CPNE4: variants seen among roughly 807,000 people sequenced by gnomAD.
The protein encoded by CPNE4 is copine-4.
A neutral mutation model predicts 67.9 loss-of-function variants in CPNE4; 25 were observed. That is an observed-to-expected ratio of 0.37 (90% CI 0.27 to 0.51). The LOEUF is 0.51. Among genes scored for constraint, CPNE4 ranks in the 20% least tolerant of loss-of-function variants. The pLI is 0.93. For synonymous variants in CPNE4, 242 were observed against 244.9 expected (o/e 0.99, Z 0.11); for missense variants, 464 against 690.8 (o/e 0.67, Z 3.68).
At chr3:131,590,530 G>A (rs1445197438) in intron 7 of CPNE4, among the ~76,000 whole-genome samples, 1 of 152,120 alleles carries the variant, frequency 6.6e-6, no homozygotes, top group Non-Finnish European at 1.5e-5. Flanking sequence ...AGTACTTAAA[G>A]TACTATCGTA....
At chr3:131,573,536 G>A (rs2107679838) in intron 10 of CPNE4, among the ~76,000 whole-genome samples, 1 of 152,172 alleles carries the variant, frequency 6.6e-6, no homozygotes, top group African/African-American at 2.4e-5. Flanking sequence ...AGCCCCTGAA[G>A]GTTGAATACA....
intron 3 of CPNE4, among the ~76,000 whole-genome samples, chr3:131,713,430 G>C (rs769321602): frequency 1.3e-5 from 2 of 152,094 alleles, no homozygotes; most frequent in Admixed American, 1.3e-4. Context: ...GATGAGAAAG[G>C]GTAGTGGAAG....
chr3:131,592,119 G>T (rs1281827319), intron 7 of CPNE4, among the ~76,000 whole-genome samples: 1 of 152,172 alleles, frequency 6.6e-6, no homozygotes, highest in African/African-American at 2.4e-5. Flanking sequence ...GTACAGAGTG[G>T]ACTAAAATCT....
chr3:131,818,744 C>T (rs2084843916), intron 2 of CPNE4, among the ~76,000 whole-genome samples: 1 of 152,158 alleles, frequency 6.6e-6, no homozygotes, highest in Admixed American at 6.5e-5. Flanking sequence ...AATAACATCC[C>T]CATTTTAGGA....
Position 131,684,069 on chromosome 3 carries a change from T to G in CPNE4, c.591+1806A>C, listed in dbSNP as rs547763823. 5.3e-5 allele frequency among the ~76,000 whole-genome samples: 8 copies of G among 152,300 alleles called. 1 individual carries two copies. In the South Asian group the frequency reaches 1.7e-3, roughly 32 times the overall value. On this transcript the variant is annotated intron_variant, in intron 6 of 15. Coordinates refer to ENST00000429747, the MANE Select transcript of CPNE4 (RefSeq NM_130808.3). Reference sequence around the variant, plus strand: ...ATCAACAATTCAAGACTGTCTTTCCTACCCTCTTCAGTGTCTCTCTCAGTG... The same window carrying G: ...ATCAACAATTCAAGACTGTCTTTCCGACCCTCTTCAGTGTCTCTCTCAGTG...
intron 3 of CPNE4, among the ~76,000 whole-genome samples, chr3:131,703,355 G>A (rs574493685): frequency 2.6e-5 from 4 of 152,308 alleles, no homozygotes. Context: ...GGTCACAGGT[G>A]CAAACCTTAG....
chr3:131,923,434 G>A (rs1266013313), intron 1 of CPNE4, among the ~76,000 whole-genome samples: 1 of 152,186 alleles, frequency 6.6e-6, no homozygotes, highest in African/African-American at 2.4e-5. Flanking sequence ...GCTGGGCGCA[G>A]TGGCTCACGC....
intron 3 of CPNE4, among the ~76,000 whole-genome samples, chr3:131,722,141 G>A (rs948159172): frequency 2.6e-5 from 4 of 152,262 alleles, no homozygotes; most frequent in African/African-American, 7.2e-5. Flanking sequence ...GTGGCATGAA[G>A]CAAGGTAAGC....
chr3:131,885,535 ATTTT>A (rs1030361533), intron 2 of CPNE4, among the ~76,000 whole-genome samples: 30 of 151,216 alleles, frequency 2.0e-4, no homozygotes, highest in African/African-American at 5.4e-4. Context: ...ATTTTTTTTA[ATTTT>A]TTTATTTTTT....
chr3:131,964,175 A>G (rs1266250654), intron 1 of CPNE4, among the ~76,000 whole-genome samples: 1 of 152,154 alleles, frequency 6.6e-6, no homozygotes, highest in Non-Finnish European at 1.5e-5. Context: ...AATAATATCA[A>G]CATCAACAAA....
chr3:131,657,917 A>G (rs2080020759), intron 7 of CPNE4, among the ~76,000 whole-genome samples: 1 of 152,102 alleles, frequency 6.6e-6, no homozygotes, highest in Non-Finnish European at 1.5e-5. Context: ...CAGATGTTCC[A>G]GACTCTTGAG....
intron 2 of CPNE4, among the ~76,000 whole-genome samples, chr3:131,829,452 A>G (rs747752257): frequency 4.6e-5 from 7 of 152,174 alleles, no homozygotes; most frequent in Non-Finnish European, 7.3e-5. Context: ...ATCATCATTC[A>G]CCTTGAGGTA....
chr3:131,601,549 T>C (rs576982501), intron 7 of CPNE4, among the ~76,000 whole-genome samples: 2 of 152,262 alleles, frequency 1.3e-5, no homozygotes, highest in South Asian at 4.1e-4. Flanking sequence ...TATGCAAGTA[T>C]AACATTTCTT....
At chr3:131,873,693 C>A (rs2087313277) in intron 2 of CPNE4, among the ~76,000 whole-genome samples, 1 of 152,172 alleles carries the variant, frequency 6.6e-6, no homozygotes, top group South Asian at 2.1e-4. Flanking sequence ...CCAGTCCCTG[C>A]CCCTGAGAAG....
intron 7 of CPNE4, among the ~76,000 whole-genome samples, chr3:131,645,564 A>G (rs558977037): frequency 1.3e-5 from 2 of 152,334 alleles, no homozygotes; most frequent in South Asian, 4.1e-4. Context: ...GAAGTAAAGT[A>G]TTTTAACTAT....
intron 2 of CPNE4, among the ~76,000 whole-genome samples, chr3:131,724,349 G>C (rs114733722): frequency 0.022 from 3,363 of 152,198 alleles, 121 homozygotes; most frequent in African/African-American, 0.076. Context: ...TAGATTAGAG[G>C]TTGAAAAGTT....
At chr3:131,602,786 T>G (rs1939279018) in intron 7 of CPNE4, among the ~76,000 whole-genome samples, 1 of 152,204 alleles carries the variant, frequency 6.6e-6, no homozygotes, top group Non-Finnish European at 1.5e-5. Flanking sequence ...TGTACCACTC[T>G]CTTCTACCAA....
intron 2 of CPNE4, among the ~76,000 whole-genome samples, chr3:131,840,857 C>T (rs1179401151): frequency 6.6e-6 from 1 of 152,154 alleles, no homozygotes; most frequent in Non-Finnish European, 1.5e-5. Context: ...CCTGCTGTGT[C>T]ATCTTCTTGA....
intron 2 of CPNE4, among the ~76,000 whole-genome samples, chr3:131,783,251 C>T (rs2083471144): frequency 6.6e-6 from 1 of 152,138 alleles, no homozygotes; most frequent in African/African-American, 2.4e-5. Context: ...TTAGTGCTTA[C>T]AATATCATAT....
Sources: gnomAD v4.1 joint callset for allele counts (sites outside exome capture counted in the v4.1 genomes callset) on GRCh38, gnomAD v4.1.1 for gene constraint, MANE v1.5 for transcripts, NCBI Gene and HGNC (gene_info 2026-07-23, HGNC 2026-07-21) for gene names.